The following TFEC variants were observed in gnomAD, a reference collection of about 807,000 sequenced individuals.
TFEC encodes class E basic helix-loop-helix protein 34.
Under a neutral mutation model 41.6 loss-of-function variants are expected in TFEC, and 31 were observed. The ratio of observed to expected loss-of-function variants is 0.74; its 90% CI spans 0.56 to 1.01. TFEC has a LOEUF of 1.01. TFEC is among the 50% of genes least tolerant of loss of function. The pLI is 0.00. For missense variants in TFEC, 402 were observed against 404.1 expected (o/e 0.99, Z 0.04); for synonymous variants, 143 against 140.6 (o/e 1.02, Z -0.12).
chr7:116,041,593 A>G (rs1796038412), intron 3 of TFEC, among the ~76,000 whole-genome samples: 1 of 152,226 alleles, frequency 6.6e-6, no homozygotes, highest in East Asian at 1.9e-4. Context: ...CCACACTGGT[A>G]TATGTGAAAA....
At chr7:116,123,699 C>A (rs1190007669) in intron 1 of TFEC, among the ~76,000 whole-genome samples, 1 of 152,040 alleles carries the variant, frequency 6.6e-6, no homozygotes, top group Non-Finnish European at 1.5e-5. Context: ...TTATCTATTT[C>A]TGAGTACTTT....
intron 1 of TFEC, among the ~76,000 whole-genome samples, chr7:115,986,594 C>T (rs1793867010): frequency 6.6e-6 from 1 of 151,864 alleles, no homozygotes; most frequent in South Asian, 2.1e-4. Context: ...GATAGTACTA[C>T]ACAGCAGGCA....
chr7:115,977,236 G>GC (rs1793423693), intron 2 of TFEC, among the ~76,000 whole-genome samples: 1 of 151,876 alleles, frequency 6.6e-6, no homozygotes, highest in Admixed American at 6.6e-5. Context: ...TTACAAACCC[G>GC]CAAGTAAGCA....
chr7:115,984,378 C>G lies in TFEC; in HGVS notation c.64G>C (p.Gly22Arg), dbSNP rs917927442. The change falls in exon 2 of 8, where the codon GGT becomes CGT. Residue 22 changes from glycine to arginine, a missense_variant. Physicochemically the swap from Gly to Arg is moderately radical, Grantham distance 125. Transcript: ENST00000265440. ...LKWSQPAVPS[G>R]GPLVQHAHTT... ...TGTGCATGCTGCACAAGAGGCCCAC[C>G]ACTTGGCACTGCAGGTTGTGACCAT... 1 of 1,614,008 alleles carries G rather than the reference C, an allele frequency of 6.2e-7. No homozygotes were observed. The highest frequency in any genetic ancestry group is 8.5e-7 in the Non-Finnish European group (1 of 1,179,994).
intron 1 of TFEC, among the ~76,000 whole-genome samples, chr7:116,009,415 T>C (rs1794918404): frequency 6.6e-6 from 1 of 152,108 alleles, no homozygotes; most frequent in African/African-American, 2.4e-5. Context: ...TAATGATACT[T>C]AAAATACACT....
chr7:116,141,862 AAC>A (rs548901772), intron 1 of TFEC, among the ~76,000 whole-genome samples: 188 of 152,334 alleles, frequency 1.2e-3, no homozygotes, highest in Non-Finnish European at 2.3e-3. Flanking sequence ...AAGCAGAAAA[AAC>A]ACAGTGAGTT....
intron 1 of TFEC, among the ~76,000 whole-genome samples, chr7:115,999,404 T>G (rs1794499917): frequency 6.6e-6 from 1 of 151,826 alleles, no homozygotes; most frequent in Admixed American, 6.6e-5. Context: ...ACATTTCAAA[T>G]AAACAACCTA....
intron 1 of TFEC, among the ~76,000 whole-genome samples, chr7:115,998,817 A>G (rs1794470952): frequency 6.6e-6 from 1 of 150,998 alleles, no homozygotes; most frequent in Admixed American, 6.6e-5. Flanking sequence ...AAACTGGAGC[A>G]TCCAGATATA....
intron 1 of TFEC, among the ~76,000 whole-genome samples, chr7:116,011,377 T>C (rs1246540876): frequency 1.3e-5 from 2 of 152,136 alleles, no homozygotes; most frequent in African/African-American, 4.8e-5. Flanking sequence ...TGTCATGATA[T>C]CATAAAACTC....
intron 1 of TFEC, among the ~76,000 whole-genome samples, chr7:116,119,311 T>C (rs1370236436): frequency 1.3e-5 from 2 of 151,812 alleles, no homozygotes; most frequent in Admixed American, 1.3e-4. Context: ...AAAATAGTAT[T>C]AGCAATAATT....
chr7:116,124,796 C>T (rs1433106770), intron 1 of TFEC, among the ~76,000 whole-genome samples: 17 of 152,116 alleles, frequency 1.1e-4, no homozygotes, highest in Admixed American at 1.1e-3. Flanking sequence ...CATAGAAGGA[C>T]AATTACTTCT....
chr7:116,155,954 C>A (rs924185251), intron 1 of TFEC, among the ~76,000 whole-genome samples: 1 of 152,052 alleles, frequency 6.6e-6, no homozygotes, highest in African/African-American at 2.4e-5. Flanking sequence ...GAGTTTGGGG[C>A]GTAAATTTTG....
chr7:116,060,855 C>T (rs1365273799), intron 3 of TFEC, among the ~76,000 whole-genome samples: 1 of 147,312 alleles, frequency 6.8e-6, no homozygotes, highest in Non-Finnish European at 1.5e-5. Flanking sequence ...ACCCACAAAC[C>T]TAAAATAAAA....
At chr7:115,943,868 T>G (rs994693677) in intron 6 of TFEC, among the ~76,000 whole-genome samples, 2 of 151,438 alleles carry the variant, frequency 1.3e-5, no homozygotes, top group South Asian at 2.2e-4. Context: ...ATGTATAAAT[T>G]GGAGTAAGGA....
chr7:116,086,707 G>A (rs1797211403), intron 3 of TFEC, among the ~76,000 whole-genome samples: 1 of 151,816 alleles, frequency 6.6e-6, no homozygotes, highest in East Asian at 1.9e-4. Context: ...CTAAAAGAAT[G>A]GTAACTCAGC....
chr7:115,983,215 T>C (rs1325750897), intron 2 of TFEC, among the ~76,000 whole-genome samples: 1 of 152,168 alleles, frequency 6.6e-6, no homozygotes, highest in Non-Finnish European at 1.5e-5. Flanking sequence ...TGAGTAAATA[T>C]ACATGTAGGT....
intron 1 of TFEC, among the ~76,000 whole-genome samples, chr7:116,010,825 C>T (rs1346506292): frequency 6.6e-6 from 1 of 152,134 alleles, no homozygotes; most frequent in African/African-American, 2.4e-5. Context: ...GCGTGTTACA[C>T]TGTCAGGTAA....
chr7:116,009,508 C>T (rs1035432292), intron 1 of TFEC, among the ~76,000 whole-genome samples: 4 of 152,068 alleles, frequency 2.6e-5, no homozygotes, highest in Admixed American at 1.3e-4. Context: ...CATATTACTG[C>T]AATGGACTCT....
chr7:115,978,117 G>A (rs554014280), intron 2 of TFEC, among the ~76,000 whole-genome samples: 1 of 152,068 alleles, frequency 6.6e-6, no homozygotes, highest in African/African-American at 2.4e-5. Context: ...CTCTTGAATT[G>A]GATTTTTAAA....
Sources: gnomAD v4.1 joint callset for allele counts (sites outside exome capture counted in the v4.1 genomes callset) on GRCh38, gnomAD v4.1.1 for gene constraint, MANE v1.5 for transcripts, NCBI Gene and HGNC (gene_info 2026-07-23, HGNC 2026-07-21) for gene names.